The following STOX2 variants were observed in gnomAD, a reference collection of about 807,000 sequenced individuals.
STOX2 encodes the protein storkhead box 2.
A neutral mutation model predicts 60.9 loss-of-function variants in STOX2; 28 were observed. The ratio of observed to expected loss-of-function variants is 0.46; its 90% CI spans 0.34 to 0.63. STOX2 has a LOEUF of 0.63. Ranked by LOEUF, STOX2 falls within the 30% of genes least tolerant of loss-of-function variation. The probability of loss-of-function intolerance (pLI) is 0.01; values close to 1 mark genes in which losing one functional copy is unlikely to be tolerated. For synonymous variants in STOX2, 472 were observed against 463.9 expected (o/e 1.02, Z -0.22); for missense variants, 1,024 against 1,187.7 (o/e 0.86, Z 2.03).
rs781683185 is a variant in STOX2, at chr4:184,001,498, C to T, written c.319+21C>T. 5.3e-5 allele frequency: 85 copies of T among 1,612,018 alleles called. No homozygotes were observed. Among genetic ancestry groups the T allele is most frequent in the Admixed American group, 2.8e-4 (17 of 59,888 alleles). ...CCCAGGTAACGAGGCGGGAACGTAG[C>T]ACTTTCCAGGTGGCGGTGTGCTGTG... On this transcript the variant is annotated intron_variant, in intron 2 of 3. Coordinates refer to ENST00000308497, the MANE Select transcript of STOX2 (RefSeq NM_020225.3). The surrounding 1 kb of genome is among the most constrained non-coding windows in gnomAD (Gnocchi z 4.2).
At chr4:183,880,387 T>C (rs910381387) in intron 1 of STOX2, among the ~76,000 whole-genome samples, 2 of 149,038 alleles carry the variant, frequency 1.3e-5, no homozygotes, top group Admixed American at 1.3e-4. Flanking sequence ...GATTCTAAAG[T>C]ATCCAGGTAT....
intron 1 of STOX2, among the ~76,000 whole-genome samples, chr4:183,827,521 G>T (rs1334994978): frequency 6.6e-6 from 1 of 150,792 alleles, no homozygotes; most frequent in African/African-American, 2.5e-5. Flanking sequence ...AAAAAACAAA[G>T]AATTGGAGGG....
At chr4:183,846,831 AT>A (rs889968230) in intron 1 of STOX2, among the ~76,000 whole-genome samples, 38 of 149,540 alleles carry the variant, frequency 2.5e-4, no homozygotes, top group African/African-American at 7.9e-4. Flanking sequence ...ATGCCTTGTA[AT>A]TTTTTTTTTG....
intron 1 of STOX2, among the ~76,000 whole-genome samples, chr4:183,947,844 G>A (rs895389508): frequency 2.0e-5 from 3 of 152,142 alleles, no homozygotes; most frequent in Non-Finnish European, 4.4e-5. Flanking sequence ...GCATGTGTTA[G>A]AACCAGTTGG....
In STOX2 at chr4:183,967,345, A is replaced by C. The variant is rs146368809; in HGVS notation, c.167-33980A>C. On this transcript the variant is annotated intron_variant, in intron 1 of 3. Coordinates refer to ENST00000308497, the MANE Select transcript of STOX2 (RefSeq NM_020225.3). ...TGTGCCATTGCACTCCAGCCTGGGC[A>C]ACAAGAGCGAAACTCCGTCTCAAGA... Among the ~76,000 whole-genome samples the C allele has an allele frequency of 7.3e-3, 1,111 of 151,436 alleles. 6 individuals carry two copies. The highest frequency in any genetic ancestry group is 0.018 in the South Asian group (85 of 4,782).
chr4:183,863,826 C>G (rs748240787), intron 1 of STOX2, among the ~76,000 whole-genome samples: 3 of 152,044 alleles, frequency 2.0e-5, no homozygotes, highest in Non-Finnish European at 2.9e-5. Flanking sequence ...TTTGTTTGCT[C>G]TTGCCTAGGG....
intron 1 of STOX2, among the ~76,000 whole-genome samples, chr4:183,861,038 A>G (rs1740429065): frequency 6.6e-6 from 1 of 152,220 alleles, no homozygotes; most frequent in Non-Finnish European, 1.5e-5. Flanking sequence ...AGTTGTTGTT[A>G]CGGTACACTA....
At chr4:183,800,665 C>T (rs1396001985) in intron 1 of STOX2, among the ~76,000 whole-genome samples, 1 of 152,178 alleles carries the variant, frequency 6.6e-6, no homozygotes, top group African/African-American at 2.4e-5. Context: ...TACCAATAGT[C>T]CTCTGAAATA....
chr4:183,946,395 C>T (rs547366349), intron 1 of STOX2, among the ~76,000 whole-genome samples: 11 of 152,146 alleles, frequency 7.2e-5, no homozygotes, highest in South Asian at 6.2e-4. Flanking sequence ...AGTCATGCCT[C>T]GGTGTCCATG....
chr4:183,882,594 T>A (rs1233058598), intron 1 of STOX2, among the ~76,000 whole-genome samples: 1 of 152,226 alleles, frequency 6.6e-6, no homozygotes, highest in African/African-American at 2.4e-5. Context: ...ATTGAATGCT[T>A]AGTTTTTGTA....
intron 1 of STOX2, among the ~76,000 whole-genome samples, chr4:183,954,346 T>TG (rs1252762937): frequency 2.0e-5 from 3 of 152,104 alleles, no homozygotes; most frequent in Non-Finnish European, 4.4e-5. Context: ...TGGAGTGCAG[T>TG]GGCATGATCT....
chr4:184,013,746 A>G (rs942139777), intron 3 of STOX2, among the ~76,000 whole-genome samples: 4 of 152,178 alleles, frequency 2.6e-5, no homozygotes, highest in Non-Finnish European at 5.9e-5. Context: ...GCCAGATAGC[A>G]TTATCATGCG....
At chr4:184,005,513 TTTTAAAA>T (rs11280329) in intron 2 of STOX2, among the ~76,000 whole-genome samples, 103,228 of 148,324 alleles carry the variant, frequency 0.7, 38,153 homozygotes, top group Non-Finnish European at 0.83. Flanking sequence ...TCATGCAGTG[TTTTAAAA>T]TAGTTATTTT....
At chr4:183,994,348 A>C (rs992406973) in intron 1 of STOX2, among the ~76,000 whole-genome samples, 2 of 152,264 alleles carry the variant, frequency 1.3e-5, no homozygotes, top group African/African-American at 4.8e-5. Context: ...AAAGGGGCAC[A>C]CATTAGTCCT....
At position 183,836,387 on chromosome 4, in the gene STOX2, A is replaced by G. The variant is rs750321549; in HGVS notation, c.364+38332A>G. On this transcript the variant is annotated intron_variant, in intron 1 of 2. Transcript: ENST00000513034. The surrounding 1 kb of genome is among the most constrained non-coding windows in gnomAD (Gnocchi z 4.1). ...AAAAATAAACATAAGGAGTGTCACT[A>G]CGTTAGCAGCATAGGCTGTTTTATG... Among the ~76,000 whole-genome samples the G allele has an allele frequency of 1.3e-5, 2 of 152,206 alleles. No individual in the cohort carries two copies. The highest frequency in any genetic ancestry group is 2.4e-5 in the African/African-American group (1 of 41,456).
chr4:184,009,539 T>C lies in STOX2; in HGVS notation c.701T>C (p.Val234Ala). Residue 234 changes from valine to alanine, a missense_variant, in exon 3 of 4, where the codon GTG becomes GCG. By Grantham distance (64) the Val-to-Ala change is moderately conservative (BLOSUM62 0). Transcript: ENST00000308497. The surrounding 1 kb of genome is among the most constrained non-coding windows in gnomAD (Gnocchi z 4.0). ...DPYCPPSLCQ[V>A]PPTEKSKSTV... ...TACTGTCCCCCTTCTCTGTGCCAGGTGCCACCCACTGAAAAGAGCAAAAGT... is the reference window on the plus strand; with the variant it reads ...TACTGTCCCCCTTCTCTGTGCCAGGCGCCACCCACTGAAAAGAGCAAAAGT... 1 of 1,614,026 alleles carries C rather than the reference T, an allele frequency of 6.2e-7. No individual in the cohort carries two copies. The highest frequency in any genetic ancestry group is 8.5e-7 in the Non-Finnish European group (1 of 1,179,876).
At chr4:183,944,781 C>T (rs1317484006) in intron 1 of STOX2, among the ~76,000 whole-genome samples, 1 of 152,138 alleles carries the variant, frequency 6.6e-6, no homozygotes, top group African/African-American at 2.4e-5. Context: ...CCTTTGAGCA[C>T]CTCAATATGA....
intron 1 of STOX2, among the ~76,000 whole-genome samples, chr4:183,968,298 C>T (rs1044326028): frequency 3.3e-5 from 5 of 151,120 alleles, no homozygotes; most frequent in African/African-American, 1.2e-4. Context: ...ATCACCATTA[C>T]TGCATTAAAA....
upstream of STOX2, among the ~76,000 whole-genome samples, chr4:183,902,846 G>T (rs1741491966): frequency 6.6e-6 from 1 of 152,156 alleles, no homozygotes; most frequent in Admixed American, 6.5e-5. Context: ...CTCAGCCTAT[G>T]TACCACCTGA....
Sources: gnomAD v4.1 joint callset for allele counts (sites outside exome capture counted in the v4.1 genomes callset) on GRCh38, gnomAD v4.1.1 for gene constraint, Gnocchi (gnomAD v3.1) non-coding constraint, MANE v1.5 for transcripts, NCBI Gene and HGNC (gene_info 2026-07-23, HGNC 2026-07-21) for gene names.